Variants in NXPE2 observed in about 807,000 individuals in gnomAD.
NXPE2 encodes NXPE family member 2.
Under a neutral mutation model 34.4 loss-of-function variants are expected in NXPE2, and 34 were observed. That is an observed-to-expected ratio of 0.99 (90% CI 0.75 to 1.31). The LOEUF is 1.31. NXPE2 is among the 40% of genes most tolerant of loss of function. The pLI is 0.00. For missense variants in NXPE2, 649 were observed against 672.5 expected, an observed-to-expected ratio of 0.97 and a Z score of 0.39; for synonymous variants, 235 against 231.3, an observed-to-expected ratio of 1.02 and a Z score of -0.15.
chr11:114,796,278 G>T, the NXPE2 span, among the ~76,000 whole-genome samples: 1 of 152,108 alleles, frequency 6.6e-6, no homozygotes, highest in Non-Finnish European at 1.5e-5. Context: ...AAATCTTAAA[G>T]CTCTGTTCGC....
At chr11:114,527,921 C>CA in the NXPE2 span, 6 of 1,573,496 alleles carry the variant, frequency 3.8e-6, no homozygotes, top group Non-Finnish European at 5.2e-6. Flanking sequence ...AAAAATAGAA[C>CA]AATAAATTAG....
the NXPE2 span, among the ~76,000 whole-genome samples, chr11:114,736,379 G>T: frequency 1.3e-5 from 2 of 152,144 alleles, no homozygotes; most frequent in Admixed American, 6.5e-5. Context: ...ACCCTCAGGG[G>T]TTCATTCTCT....
At chr11:114,556,390 G>C in the NXPE2 span, among the ~76,000 whole-genome samples, 434 of 152,224 alleles carry the variant, frequency 2.9e-3, no homozygotes, top group African/African-American at 9.2e-3. Flanking sequence ...TGGATACACA[G>C]AGCTCAGGGA....
the NXPE2 span, among the ~76,000 whole-genome samples, chr11:114,729,874 G>A: frequency 6.6e-6 from 1 of 152,156 alleles, no homozygotes; most frequent in Non-Finnish European, 1.5e-5. Context: ...TCTGTTGACA[G>A]TTTCTTTTGC....
chr11:114,711,726 G>A (rs76481325), downstream of NXPE2, among the ~76,000 whole-genome samples: 534 of 152,226 alleles, frequency 3.5e-3, 1 homozygote, highest in African/African-American at 0.012. Context: ...AAACCCAGTG[G>A]CATTTTTTGT....
the NXPE2 span, among the ~76,000 whole-genome samples, chr11:114,764,511 A>C: frequency 6.6e-6 from 1 of 152,106 alleles, no homozygotes; most frequent in Non-Finnish European, 1.5e-5. Flanking sequence ...AATGTGGCAA[A>C]ATGTTACCAA....
chr11:114,582,598 G>C, the NXPE2 span: 2 of 1,614,122 alleles, frequency 1.2e-6, no homozygotes, highest in Admixed American at 1.7e-5. Flanking sequence ...AGAGAGACCT[G>C]GCCCTCCCAG....
At chr11:114,614,265 T>TA in the NXPE2 span, among the ~76,000 whole-genome samples, 1 of 151,830 alleles carries the variant, frequency 6.6e-6, no homozygotes, top group African/African-American at 2.4e-5. Flanking sequence ...TAGTAAGTAT[T>TA]GCTTCATGGG....
chr11:114,676,600 C>T (rs779153054), upstream of NXPE2, among the ~76,000 whole-genome samples: 28 of 151,800 alleles, frequency 1.8e-4, no homozygotes, highest in Non-Finnish European at 3.7e-4. Flanking sequence ...ATCAAAAAGA[C>T]GAAAGATAAG....
chr11:114,635,565 A>C, the NXPE2 span, among the ~76,000 whole-genome samples: 4 of 152,110 alleles, frequency 2.6e-5, no homozygotes, highest in African/African-American at 9.6e-5. Flanking sequence ...GAATGCTTCC[A>C]GTTTTTGCCC....
At chr11:114,563,591 C>T in the NXPE2 span, among the ~76,000 whole-genome samples, 1 of 152,078 alleles carries the variant, frequency 6.6e-6, no homozygotes, top group African/African-American at 2.4e-5. Context: ...GGACTAATAT[C>T]CAGAATCTAC....
At chr11:114,803,164 C>T in the NXPE2 span, among the ~76,000 whole-genome samples, 1 of 152,218 alleles carries the variant, frequency 6.6e-6, no homozygotes, top group Non-Finnish European at 1.5e-5. Flanking sequence ...CAGTAATTGC[C>T]TTTTTGATTC....
At chr11:114,523,849 T>G in the NXPE2 span, among the ~76,000 whole-genome samples, 4 of 152,226 alleles carry the variant, frequency 2.6e-5, no homozygotes, top group Non-Finnish European at 5.9e-5. Context: ...TTAGGATTTG[T>G]TATATCAGGA....
chr11:114,621,993 C>T, the NXPE2 span, among the ~76,000 whole-genome samples: 2,107 of 151,896 alleles, frequency 0.014, 47 homozygotes, highest in African/African-American at 0.047. Flanking sequence ...CACTGTTAAC[C>T]GGTGGATAAT....
At chr11:114,562,969 A>G in the NXPE2 span, among the ~76,000 whole-genome samples, 1 of 152,156 alleles carries the variant, frequency 6.6e-6, no homozygotes, top group South Asian at 2.1e-4. Context: ...CAGAATTTAT[A>G]TTAAGTCACA....
the NXPE2 span, among the ~76,000 whole-genome samples, chr11:114,743,113 G>A: frequency 2.2e-4 from 33 of 152,200 alleles, 1 homozygote; most frequent in African/African-American, 7.9e-4. Context: ...AATATTTTAG[G>A]CAACAGGCTT....
At chr11:114,557,106 C>A in the NXPE2 span, among the ~76,000 whole-genome samples, 1 of 152,034 alleles carries the variant, frequency 6.6e-6, no homozygotes, top group African/African-American at 2.4e-5. Flanking sequence ...GTTGGCCAGG[C>A]TGGTCTCGAA....
At chr11:114,482,942 C>CCA in the NXPE2 span, among the ~76,000 whole-genome samples, 1 of 152,134 alleles carries the variant, frequency 6.6e-6, no homozygotes, top group East Asian at 1.9e-4. Flanking sequence ...TAGGTTCCTC[C>CCA]CACTGCTCCC....
At chr11:114,616,753 CG>C in the NXPE2 span, among the ~76,000 whole-genome samples, 3 of 151,562 alleles carry the variant, frequency 2.0e-5, no homozygotes, top group African/African-American at 7.3e-5. Context: ...CACGGTTAAC[CG>C]GTGGATAATA....
Sources: gnomAD v4.1 joint callset for allele counts (sites outside exome capture counted in the v4.1 genomes callset) on GRCh38, gnomAD v4.1.1 for gene constraint, MANE v1.5 for transcripts, NCBI Gene and HGNC (gene_info 2026-07-23, HGNC 2026-07-21) for gene names.